The following KCNIP4 variants were observed in gnomAD, a reference collection of about 807,000 sequenced individuals.
KCNIP4 encodes the protein Kv channel-interacting protein 4.
A neutral mutation model predicts 34.0 loss-of-function variants in KCNIP4; 12 were observed. The ratio of observed to expected loss-of-function variants is 0.35; its 90% confidence interval spans 0.23 to 0.57. KCNIP4 has a LOEUF of 0.57. KCNIP4 is among the 20% of genes least tolerant of loss of function. The probability of loss-of-function intolerance (pLI) is 0.83; values close to 1 mark genes in which losing one functional copy is unlikely to be tolerated. For synonymous variants in KCNIP4, 124 were observed against 102.2 expected, an observed-to-expected ratio of 1.21 and a Z score of -1.29; for missense variants, 238 against 311.7, an observed-to-expected ratio of 0.76 and a Z score of 1.78.
chr4:21,317,826 T>G (rs557577689), intron 1 of KCNIP4, among the ~76,000 whole-genome samples: 3 of 152,312 alleles, frequency 2.0e-5, no homozygotes, highest in African/African-American at 7.2e-5. Context: ...ATCTGATGTT[T>G]TTAAAAACAG....
rs541081691 is a variant in KCNIP4, at chr4:21,635,298, T to C, written c.61+313273A>G. Among the ~76,000 whole-genome samples the C allele has an allele frequency of 8.3e-4, 126 of 152,316 alleles. 1 individual carries two copies. Among genetic ancestry groups the C allele is most frequent in the Middle Eastern group, 3.4e-3 (1 of 294 alleles). ...ATTCTGATTAAAGTTCTGTTTTAAG[T>C]GCCCAGATACATTAAATCAACCCAT... On this transcript the variant is annotated intron_variant, in intron 1 of 8. Coordinates refer to ENST00000382152, the MANE Select transcript of KCNIP4 (RefSeq NM_025221.6).
chr4:21,614,194 A>G (rs1360078133), intron 1 of KCNIP4, among the ~76,000 whole-genome samples: 1 of 151,836 alleles, frequency 6.6e-6, no homozygotes, highest in African/African-American at 2.4e-5. Flanking sequence ...TTCAGCCTTT[A>G]GCTGAGTAGA....
intron 1 of KCNIP4, among the ~76,000 whole-genome samples, chr4:20,991,026 C>T (rs1737037206): frequency 6.6e-6 from 1 of 152,042 alleles, no homozygotes; most frequent in Admixed American, 6.6e-5. Context: ...AATCATTAAC[C>T]CCATTATATA....
chr4:20,895,077 G>C (rs1726357381), intron 1 of KCNIP4, among the ~76,000 whole-genome samples: 1 of 152,210 alleles, frequency 6.6e-6, no homozygotes, highest in Admixed American at 6.5e-5. Flanking sequence ...TTGTTCATCT[G>C]TCTAGCTCCT....
At chr4:21,108,027 C>A (rs1298001219) in intron 1 of KCNIP4, among the ~76,000 whole-genome samples, 1 of 151,190 alleles carries the variant, frequency 6.6e-6, no homozygotes, top group Non-Finnish European at 1.5e-5. Context: ...TCTGGCTGCC[C>A]TTAACATTTT....
intron 1 of KCNIP4, among the ~76,000 whole-genome samples, chr4:21,127,851 T>TGTCCCTGCACAATCAAAA (rs1199795312): frequency 6.6e-6 from 1 of 152,248 alleles, no homozygotes; most frequent in Non-Finnish European, 1.5e-5. Context: ...CTAAGCATGC[T>TGTCCCTGCACAATCAAAA]GTCCCTGCAC....
At position 21,119,663 on chromosome 4, in the gene KCNIP4, T is replaced by C. The variant is rs1749982924; in HGVS notation, c.62-236954A>G. 3.3e-5 allele frequency among the ~76,000 whole-genome samples: 5 copies of C among 151,942 alleles called. 1 individual carries two copies. The South Asian group carries it at 1.0e-3, about 32-fold the overall frequency. ...AATGTACATTTTTAAATCATAGAAA[T>C]TGGGTTCTTTGTTAAATTCACTGTC... On this transcript the variant is annotated intron_variant, in intron 1 of 8. Coordinates refer to ENST00000382152, the MANE Select transcript of KCNIP4 (RefSeq NM_025221.6).
At chr4:20,893,056 T>G (rs1726112462) in intron 1 of KCNIP4, among the ~76,000 whole-genome samples, 1 of 152,190 alleles carries the variant, frequency 6.6e-6, no homozygotes, top group Admixed American at 6.5e-5. Context: ...CCCCATAGTC[T>G]GCACCCCCTT....
intron 1 of KCNIP4, among the ~76,000 whole-genome samples, chr4:21,554,538 A>G (rs34545645): frequency 0.099 from 15,016 of 152,202 alleles, 839 homozygotes; most frequent in Middle Eastern, 0.19. Flanking sequence ...TTCTTTGCCA[A>G]TATTAGAACT....
At chr4:21,338,147 A>G (rs1265032800) in intron 1 of KCNIP4, among the ~76,000 whole-genome samples, 1 of 149,694 alleles carries the variant, frequency 6.7e-6, no homozygotes, top group African/African-American at 2.5e-5. Flanking sequence ...AAGACTTTGT[A>G]TTTTTAACTC....
intron 1 of KCNIP4, among the ~76,000 whole-genome samples, chr4:21,290,789 A>T (rs1393240620): frequency 6.6e-6 from 1 of 152,222 alleles, no homozygotes; most frequent in Non-Finnish European, 1.5e-5. Flanking sequence ...ATTGGTTATG[A>T]CAGAGCCTTT....
rs78566496 is a variant in KCNIP4, at chr4:21,516,748, A to T, written c.61+431823T>A. Among the ~76,000 whole-genome samples, 814 of 152,240 alleles carry T rather than the reference A, an allele frequency of 5.3e-3. 15 individuals are homozygous for T. Among genetic ancestry groups the T allele is most frequent in the Middle Eastern group, 0.017 (5 of 294 alleles). On this transcript the variant is annotated intron_variant, in intron 1 of 8. Coordinates refer to ENST00000382152, the MANE Select transcript of KCNIP4 (RefSeq NM_025221.6). ...GGAACATGAAGTTGTATCTGAGAAG[A>T]TTTTAGCAACACATGAAGTTTAGGA...
intron 1 of KCNIP4, among the ~76,000 whole-genome samples, chr4:21,467,234 A>AC (rs1307025962): frequency 5.7e-4 from 87 of 152,178 alleles, no homozygotes; most frequent in Non-Finnish European, 2.9e-4. Flanking sequence ...CCCATTTGGT[A>AC]CATGGTAGGC....
intron 1 of KCNIP4, among the ~76,000 whole-genome samples, chr4:21,013,834 G>T (rs1249014212): frequency 2.0e-5 from 3 of 152,154 alleles, no homozygotes; most frequent in African/African-American, 2.4e-5. Flanking sequence ...TTTTGAATCA[G>T]TTCTAGTATT....
At chr4:20,911,839 A>G (rs1274145120) in intron 1 of KCNIP4, among the ~76,000 whole-genome samples, 1 of 152,216 alleles carries the variant, frequency 6.6e-6, no homozygotes, top group Non-Finnish European at 1.5e-5. Flanking sequence ...TGACTCTATT[A>G]TCCCTCAGGT....
At chr4:21,250,518 G>A (rs1007015876) in intron 1 of KCNIP4, among the ~76,000 whole-genome samples, 4 of 152,114 alleles carry the variant, frequency 2.6e-5, no homozygotes, top group African/African-American at 9.7e-5. Context: ...TTTCCAGGAG[G>A]AATACGCAGG....
chr4:21,230,992 G>A (rs747789495), intron 1 of KCNIP4, among the ~76,000 whole-genome samples: 7 of 152,132 alleles, frequency 4.6e-5, no homozygotes, highest in East Asian at 3.9e-4. Context: ...GTGTAAAAGC[G>A]TTCCTATTGG....
At chr4:21,866,538 A>G (rs1560773826) in intron 1 of KCNIP4, among the ~76,000 whole-genome samples, 2 of 152,164 alleles carry the variant, frequency 1.3e-5, no homozygotes, top group Non-Finnish European at 2.9e-5. Flanking sequence ...TTAGGAATCT[A>G]CACTTAAAGA....
At chr4:20,855,053 C>T (rs1032033843) in intron 2 of KCNIP4, among the ~76,000 whole-genome samples, 22 of 152,224 alleles carry the variant, frequency 1.4e-4, no homozygotes, top group African/African-American at 4.8e-4. Context: ...TTTAACTTTG[C>T]GTAACCCAAC....
Sources: gnomAD v4.1 joint callset for allele counts (sites outside exome capture counted in the v4.1 genomes callset) on GRCh38, gnomAD v4.1.1 for gene constraint, MANE v1.5 for transcripts, NCBI Gene and HGNC (gene_info 2026-07-23, HGNC 2026-07-21) for gene names.